KCNJ6: variants seen among roughly 807,000 people sequenced by gnomAD.
KCNJ6 encodes the protein G protein-activated inward rectifier potassium channel 2.
Under a neutral mutation model 34.2 loss-of-function variants are expected in KCNJ6, and 9 were observed. The ratio of observed to expected loss-of-function variants is 0.26; its 90% CI spans 0.16 to 0.46. The LOEUF is 0.46. KCNJ6 is among the 20% of genes least tolerant of loss of function. KCNJ6 has a pLI of 1.00. For synonymous variants in KCNJ6, 196 were observed against 207.1 expected, an observed-to-expected ratio of 0.95 and a Z score of 0.46; for missense variants, 236 against 531.3, an observed-to-expected ratio of 0.44 and a Z score of 5.46.
chr21:37,698,366 G>A (rs551188549), intron 3 of KCNJ6, among the ~76,000 whole-genome samples: 104 of 152,324 alleles, frequency 6.8e-4, no homozygotes, highest in Admixed American at 1.4e-3. Flanking sequence ...GTGATGATGC[G>A]GTGCCCACTC....
chr21:37,706,270 C>T (rs1318269503), intron 3 of KCNJ6, among the ~76,000 whole-genome samples: 1 of 152,214 alleles, frequency 6.6e-6, no homozygotes, highest in Non-Finnish European at 1.5e-5. Context: ...CATTTCAAAA[C>T]CTAACTCACA....
chr21:37,875,548 T>C (rs557403746), intron 1 of KCNJ6, among the ~76,000 whole-genome samples: 147 of 152,334 alleles, frequency 9.6e-4, no homozygotes, highest in African/African-American at 3.5e-3. Flanking sequence ...GTTTAATTGC[T>C]GGTGGTTTTA....
intron 3 of KCNJ6, among the ~76,000 whole-genome samples, chr21:37,642,543 T>C (rs2054385669): frequency 1.3e-5 from 2 of 151,906 alleles, no homozygotes. Flanking sequence ...GTTTGAGAAG[T>C]GTTTGAGGTG....
intron 3 of KCNJ6, among the ~76,000 whole-genome samples, chr21:37,705,640 G>T (rs2054715669): frequency 6.6e-6 from 1 of 152,068 alleles, no homozygotes; most frequent in Non-Finnish European, 1.5e-5. Context: ...TCAGAATGGG[G>T]AAAAAAAGAT....
chr21:37,818,209 TGC>T (rs869145032), intron 2 of KCNJ6, among the ~76,000 whole-genome samples: 795 of 42,256 alleles, frequency 0.019, 2 homozygotes, highest in African/African-American at 0.065. Flanking sequence ...TGTGTGTGCG[TGC>T]GTGTGTGTGT....
intron 2 of KCNJ6, among the ~76,000 whole-genome samples, chr21:37,796,364 G>A (rs2055242095): frequency 6.6e-6 from 1 of 152,166 alleles, no homozygotes; most frequent in African/African-American, 2.4e-5. Flanking sequence ...GTGAGCCCAA[G>A]GAAAGACTGA....
intron 2 of KCNJ6, among the ~76,000 whole-genome samples, chr21:37,838,690 C>T (rs1281469945): frequency 6.6e-6 from 1 of 152,220 alleles, no homozygotes; most frequent in Non-Finnish European, 1.5e-5. Context: ...GCACTGGCCA[C>T]ATTCTTTCAT....
At chr21:37,715,306 G>C (rs1166133559) in intron 2 of KCNJ6, among the ~76,000 whole-genome samples, 175 bp from the exon 3 acceptor site, 2 of 152,176 alleles carry the variant, frequency 1.3e-5, no homozygotes, top group African/African-American at 4.8e-5. Context: ...TAGTTGACTT[G>C]GACTTCTGTG....
chr21:37,746,946 G>A (rs1352173305), intron 2 of KCNJ6, among the ~76,000 whole-genome samples: 1 of 152,196 alleles, frequency 6.6e-6, no homozygotes, highest in East Asian at 1.9e-4. Flanking sequence ...TGATGGCAAA[G>A]CCTTATATTC....
intron 3 of KCNJ6, among the ~76,000 whole-genome samples, chr21:37,691,544 A>T (rs1425563927): frequency 6.6e-6 from 1 of 152,194 alleles, no homozygotes; most frequent in East Asian, 1.9e-4. Flanking sequence ...CCGACTTCTA[A>T]GGAGTTCCTC....
intron 2 of KCNJ6, among the ~76,000 whole-genome samples, chr21:37,725,939 C>T (rs368315386): frequency 6.6e-6 from 1 of 152,170 alleles, no homozygotes; most frequent in East Asian, 1.9e-4. Context: ...GAGTTTCACT[C>T]TTGTCACCCA....
rs1232245394 is a variant in KCNJ6, at chr21:37,616,995, C to CT, written c.*8163dup. The CT allele has an allele frequency of 8.4e-6, 1 of 119,668 alleles. No homozygotes were observed. Among genetic ancestry groups the CT allele is most frequent in the Non-Finnish European group, 1.8e-5 (1 of 55,042 alleles). The allele number at this position is 119,668 out of a possible 1,614,324, so 7.4% of individuals were successfully genotyped here. ...TGTGCGATTTCTTTTCTCTTTCTTT[C>CT]TTTCTCTTTCTTTTCTCTTTCTTTC... On this transcript the variant is annotated 3_prime_UTR_variant, in exon 4 of 4. Coordinates refer to ENST00000609713, the MANE Select transcript of KCNJ6 (RefSeq NM_002240.5).
rs1024099461 is a variant in KCNJ6 at position 37,624,195 on chromosome 21, A to T, written c.*964T>A. ...GTTAGTGAGGCCCTTGTTATCTTTT[A>T]AAAAAAGACATCTGTTTTGTAACAT... On this transcript the variant is annotated 3_prime_UTR_variant, in exon 4 of 4. Transcript: ENST00000609713. 1.3e-5 allele frequency: 2 copies of T among 152,170 alleles called. No individual in the cohort carries two copies. Among genetic ancestry groups the T allele is most frequent in the Non-Finnish European group, 2.9e-5 (2 of 68,040 alleles). The allele number at this position is 152,170 out of a possible 1,614,324, so 9.4% of individuals were successfully genotyped here. A position where few individuals can be genotyped will look rare whatever the true frequency, so the allele number is the denominator to read the frequency against.
At chr21:37,758,668 G>T (rs566596178) in intron 2 of KCNJ6, among the ~76,000 whole-genome samples, 1 of 152,196 alleles carries the variant, frequency 6.6e-6, no homozygotes, top group African/African-American at 2.4e-5. Flanking sequence ...GACAGGGTCT[G>T]GCTATGTTGC....
intron 2 of KCNJ6, among the ~76,000 whole-genome samples, chr21:37,775,924 C>T (rs2055139925): frequency 6.6e-6 from 1 of 152,098 alleles, no homozygotes. Flanking sequence ...GGCATTGAAT[C>T]TATAAATTAC....
chr21:37,674,511 C>T (rs1247712493), intron 3 of KCNJ6, among the ~76,000 whole-genome samples: 1 of 86 alleles, frequency 0.012, no homozygotes, highest in Non-Finnish European at 0.031. Context: ...CCCCTCCTCA[C>T]CCACTGGCTC....
At chr21:37,665,334 A>G (rs1709835) in intron 3 of KCNJ6, among the ~76,000 whole-genome samples, 87,677 of 152,022 alleles carry the variant, frequency 0.58, 25,556 homozygotes, top group East Asian at 0.85. Flanking sequence ...CCATGGTGCC[A>G]GTCGTCTGTA....
intron 2 of KCNJ6, among the ~76,000 whole-genome samples, chr21:37,761,113 T>C (rs912091505): frequency 1.3e-5 from 2 of 152,036 alleles, no homozygotes; most frequent in Non-Finnish European, 2.9e-5. Context: ...CGTGTGTGTG[T>C]GCTATGTGCT....
chr21:37,805,625 T>TG (rs34071532), intron 2 of KCNJ6, among the ~76,000 whole-genome samples: 75,595 of 151,760 alleles, frequency 0.5, 19,207 homozygotes, highest in Middle Eastern at 0.54. Context: ...TGACTTTATT[T>TG]GAAATAAGGC....
Sources: gnomAD v4.1 joint callset for allele counts (sites outside exome capture counted in the v4.1 genomes callset) on GRCh38, gnomAD v4.1.1 for gene constraint, MANE v1.5 for transcripts, NCBI Gene and HGNC (gene_info 2026-07-23, HGNC 2026-07-21) for gene names.